Variants in FAM13A observed in about 807,000 individuals in gnomAD.
FAM13A encodes the protein protein FAM13A.
A neutral mutation model predicts 129.6 loss-of-function variants in FAM13A; 76 were observed. That is an observed-to-expected ratio of 0.59 (90% confidence interval 0.49 to 0.71). The LOEUF (loss-of-function observed/expected upper bound fraction) is 0.71. Among genes scored for constraint, FAM13A ranks in the 30% least tolerant of loss-of-function variants. The pLI is 0.00. For synonymous variants in FAM13A, 443 were observed against 449.9 expected, an observed-to-expected ratio of 0.98 and a Z score of 0.20; for missense variants, 1,108 against 1,249.3, an observed-to-expected ratio of 0.89 and a Z score of 1.70.
At chr4:88,757,217 G>A (rs1743841045) in intron 14 of FAM13A, among the ~76,000 whole-genome samples, 1 of 152,144 alleles carries the variant, frequency 6.6e-6, no homozygotes, top group African/African-American at 2.4e-5. Context: ...TTAAGTGGCT[G>A]AGAGAGATGA....
At chr4:88,903,392 C>CAT (rs896155647) in intron 6 of FAM13A, among the ~76,000 whole-genome samples, 1 of 151,950 alleles carries the variant, frequency 6.6e-6, no homozygotes, top group African/African-American at 2.4e-5. Flanking sequence ...ATAAAAACAA[C>CAT]ATAGTACTGG....
At chr4:88,930,035 A>AT (rs55811745) in intron 5 of FAM13A, among the ~76,000 whole-genome samples, 9,185 of 149,260 alleles carry the variant, frequency 0.062, 367 homozygotes, top group Non-Finnish European at 0.093. Flanking sequence ...CACCGAGCTC[A>AT]TTTTTTTTTT....
intron 14 of FAM13A, among the ~76,000 whole-genome samples, chr4:88,752,966 GC>G (rs2149483812): frequency 6.6e-6 from 1 of 152,354 alleles, no homozygotes; most frequent in South Asian, 2.1e-4. Flanking sequence ...GCCACTGGGG[GC>G]AGGGCACGGA....
chr4:88,964,884 T>C (rs977884131), intron 4 of FAM13A, among the ~76,000 whole-genome samples: 4 of 152,216 alleles, frequency 2.6e-5, no homozygotes, highest in Admixed American at 6.5e-5. Context: ...CGCCTCGGCC[T>C]CCCAAAGTGC....
At position 88,896,262 on chromosome 4, in the gene FAM13A, G is replaced by A. The variant is rs552952270; in HGVS notation, c.843+10117C>T. Among the ~76,000 whole-genome samples the A allele has an allele frequency of 1.3e-3, 174 of 138,454 alleles. 1 individual carries two copies. The highest frequency in any genetic ancestry group is 4.1e-3 in the African/African-American group (154 of 37,996). 90.8% of individuals were successfully genotyped at this position (138,454 alleles called of 152,430 possible). ...AGGAAGGGGAACATCACACTCTGGG[G>A]ACTGTTGTGGGGTTGGGGGAGGGGG... On this transcript the variant is annotated intron_variant, in intron 6 of 23. Coordinates refer to ENST00000264344, the MANE Select transcript of FAM13A (RefSeq NM_014883.4).
At chr4:88,741,842 G>A (rs1182157390) in intron 19 of FAM13A, among the ~76,000 whole-genome samples, 1 of 152,108 alleles carries the variant, frequency 6.6e-6, no homozygotes, top group Non-Finnish European at 1.5e-5. Context: ...TTTCGTATAA[G>A]GGATACTCAA....
chr4:89,053,552 G>A (rs1771860684), intron 1 of FAM13A, among the ~76,000 whole-genome samples: 1 of 152,080 alleles, frequency 6.6e-6, no homozygotes, highest in Non-Finnish European at 1.5e-5. Context: ...ATACATGGAA[G>A]GTAGTTGATG....
At chr4:89,012,307 T>A (rs1368667204) in intron 3 of FAM13A, among the ~76,000 whole-genome samples, 4 of 152,176 alleles carry the variant, frequency 2.6e-5, no homozygotes, top group African/African-American at 7.2e-5. Flanking sequence ...AATCATACTA[T>A]AAACCTTGAT....
Position 88,726,473 on chromosome 4 carries a change from C to CAATT in FAM13A, c.*2056_*2059dup, listed in dbSNP as rs1395825128. ...TTGGCAGAAACAACAGATTCCAAAA[C>CAATT]AATTAGTAGCATCTCATTTATTTGT... is the stretch of plus-strand genomic sequence containing the variant. On this transcript the variant is annotated 3_prime_UTR_variant, in exon 24 of 24. Coordinates refer to ENST00000264344, the MANE Select transcript of FAM13A (RefSeq NM_014883.4). The CAATT allele has an allele frequency of 1.3e-5, 2 of 152,458 alleles. No homozygotes were observed. The highest frequency in any genetic ancestry group is 2.4e-5 in the African/African-American group (1 of 41,392). 9.4% of individuals were successfully genotyped at this position (152,458 alleles called of 1,614,324 possible). A position where few individuals can be genotyped will look rare whatever the true frequency, so the allele number is the denominator to read the frequency against.
intron 3 of FAM13A, among the ~76,000 whole-genome samples, chr4:89,009,709 C>T (rs570869422): frequency 2.6e-5 from 4 of 152,270 alleles, no homozygotes; most frequent in Admixed American, 2.0e-4. Context: ...TAACGTTAAA[C>T]ATTCCACAAC....
At chr4:88,921,117 A>C (rs1228348999) in intron 5 of FAM13A, among the ~76,000 whole-genome samples, 1 of 152,206 alleles carries the variant, frequency 6.6e-6, no homozygotes, top group Non-Finnish European at 1.5e-5. Flanking sequence ...ACCAAGTTGG[A>C]AACCACTCTG....
At chr4:88,980,274 A>G (rs1007223762) in intron 4 of FAM13A, among the ~76,000 whole-genome samples, 13 of 152,326 alleles carry the variant, frequency 8.5e-5, no homozygotes, top group African/African-American at 3.1e-4. Flanking sequence ...CCAGGGATTA[A>G]GTCTGGTTAG....
At chr4:88,820,140 A>G (rs148471114) in intron 7 of FAM13A, among the ~76,000 whole-genome samples, 15 of 152,366 alleles carry the variant, frequency 9.8e-5, no homozygotes, top group Non-Finnish European at 1.5e-4. Flanking sequence ...CACTCTCACA[A>G]TACGCTAAGA....
intron 5 of FAM13A, among the ~76,000 whole-genome samples, chr4:88,920,310 C>A (rs932076358): frequency 1.3e-5 from 2 of 152,160 alleles, no homozygotes; most frequent in Admixed American, 6.5e-5. Context: ...ATAGTAGGGG[C>A]AAACTGACAC....
intron 4 of FAM13A, among the ~76,000 whole-genome samples, chr4:88,971,518 A>G (rs1381116135): frequency 6.6e-6 from 1 of 151,984 alleles, no homozygotes; most frequent in Non-Finnish European, 1.5e-5. Context: ...AATTTTAAAT[A>G]TTTTTCAAGT....
chr4:89,007,489 T>C lies in FAM13A; in HGVS notation c.427+12971A>G, dbSNP rs565932339. Among the ~76,000 whole-genome samples the C allele has an allele frequency of 7.9e-5, 12 of 152,304 alleles. 1 individual carries two copies. The South Asian group carries it at 2.5e-3, about 32-fold the overall frequency. ...CTCGAGCCCCAGTCAAGCTTTCACA[T>C]ACCTGTAGCCCCTGCCAACCTCTTG... On this transcript the variant is annotated intron_variant, in intron 3 of 23. Transcript: ENST00000264344.
At chr4:88,975,816 T>C (rs145453548) in intron 4 of FAM13A, among the ~76,000 whole-genome samples, 1 of 152,212 alleles carries the variant, frequency 6.6e-6, no homozygotes. Context: ...TAACCCGTGA[T>C]GAGTGAGATA....
chr4:88,878,673 G>A (rs1261257155), intron 6 of FAM13A, among the ~76,000 whole-genome samples: 1 of 152,132 alleles, frequency 6.6e-6, no homozygotes, highest in Non-Finnish European at 1.5e-5. Flanking sequence ...AATAATTTAG[G>A]ATTGTGAGAA....
rs375265840 is a variant in FAM13A at position 88,741,164 on chromosome 4, G to A, written c.2467-2039C>T. ...TTCCACTCTTAAGTATATACCAAAGGTGGCCTTAAGTTCATCAAAAGACAT... is the reference window on the plus strand; with the variant it reads ...TTCCACTCTTAAGTATATACCAAAGATGGCCTTAAGTTCATCAAAAGACAT... On this transcript the variant is annotated intron_variant, in intron 19 of 23. Coordinates refer to ENST00000264344, the MANE Select transcript of FAM13A (RefSeq NM_014883.4). 5.9e-5 allele frequency among the ~76,000 whole-genome samples: 9 copies of A among 152,274 alleles called. No individual in the cohort carries two copies. In the East Asian group the frequency reaches 9.6e-4, roughly 16 times the overall value.
Sources: gnomAD v4.1 joint callset for allele counts (sites outside exome capture counted in the v4.1 genomes callset) on GRCh38, gnomAD v4.1.1 for gene constraint, MANE v1.5 for transcripts, NCBI Gene and HGNC (gene_info 2026-07-23, HGNC 2026-07-21) for gene names.